NUDCD1: variants seen among roughly 807,000 people sequenced by gnomAD.
NUDCD1 encodes nudC domain-containing protein 1.
A neutral mutation model predicts 67.8 loss-of-function variants in NUDCD1; 60 were observed. The observed-to-expected ratio is 0.88, with a 90% CI of 0.72 to 1.10. NUDCD1 has a LOEUF of 1.10. Ranked by LOEUF, NUDCD1 falls within the 50% of genes least tolerant of loss-of-function variation. The pLI is 0.00. For synonymous variants in NUDCD1, 244 were observed against 230.8 expected (o/e 1.06, Z -0.52); for missense variants, 643 against 695.0 (o/e 0.93, Z 0.84).
intron 1 of NUDCD1, among the ~76,000 whole-genome samples, chr8:109,330,681 C>T (rs1434052240): frequency 6.6e-6 from 1 of 152,122 alleles, no homozygotes; most frequent in Non-Finnish European, 1.5e-5. Context: ...ATGTGGTACA[C>T]ATACGCCATG....
intron 1 of NUDCD1, among the ~76,000 whole-genome samples, chr8:109,331,515 C>CAAAAAA (rs59203626): frequency 1.7e-4 from 11 of 65,854 alleles, no homozygotes; most frequent in African/African-American, 4.7e-4. Flanking sequence ...GACTCAGACT[C>CAAAAAA]AAAAAAAAAA....
intron 8 of NUDCD1, among the ~76,000 whole-genome samples, chr8:109,255,641 A>G (rs1479871455): frequency 6.6e-6 from 1 of 151,964 alleles, no homozygotes; most frequent in Non-Finnish European, 1.5e-5. Context: ...TAAAATAAAT[A>G]CACAGATACA....
At chr8:109,297,485 T>C (rs532434244) in intron 2 of NUDCD1, among the ~76,000 whole-genome samples, 42 of 151,888 alleles carry the variant, frequency 2.8e-4, no homozygotes, top group Non-Finnish European at 4.7e-4. Flanking sequence ...TGGGATTAAG[T>C]AACCTTGGAG....
intron 8 of NUDCD1, among the ~76,000 whole-genome samples, chr8:109,245,719 CCAT>C (rs915424686): frequency 9.9e-5 from 15 of 152,118 alleles, no homozygotes; most frequent in African/African-American, 3.6e-4. Flanking sequence ...GTCAGCCTGG[CCAT>C]AAGTCATGGA....
intron 8 of NUDCD1, among the ~76,000 whole-genome samples, chr8:109,258,279 T>C (rs1240479792): frequency 6.6e-6 from 1 of 152,148 alleles, no homozygotes; most frequent in African/African-American, 2.4e-5. Context: ...GAAAAGACCA[T>C]CCTTTTCCCA....
At chr8:109,270,714 G>A (rs1456928700) in intron 8 of NUDCD1, among the ~76,000 whole-genome samples, 2 of 151,050 alleles carry the variant, frequency 1.3e-5, no homozygotes, top group Non-Finnish European at 2.9e-5. Context: ...AGTCCATACT[G>A]TTGAATGAAA....
chr8:109,256,161 T>C (rs78401286), intron 8 of NUDCD1, among the ~76,000 whole-genome samples: 3,156 of 152,188 alleles, frequency 0.021, 104 homozygotes, highest in African/African-American at 0.071. Flanking sequence ...GCAGTGAGCA[T>C]GCACTTCAGC....
chr8:109,329,121 C>G (rs1206549842), intron 1 of NUDCD1, among the ~76,000 whole-genome samples: 1 of 148,602 alleles, frequency 6.7e-6, no homozygotes, highest in African/African-American at 2.5e-5. Context: ...TAACAAGAGA[C>G]TAATATTACA....
chr8:109,322,735 T>C (rs544893129), intron 1 of NUDCD1, among the ~76,000 whole-genome samples: 2 of 152,198 alleles, frequency 1.3e-5, no homozygotes, highest in South Asian at 2.1e-4. Flanking sequence ...GACCCTCTTT[T>C]AGGCACCTCT....
At chr8:109,264,997 A>C (rs1813962100) in intron 8 of NUDCD1, among the ~76,000 whole-genome samples, 1 of 152,016 alleles carries the variant, frequency 6.6e-6, no homozygotes, top group Admixed American at 6.5e-5. Context: ...CAAATATAAA[A>C]ATTAAGTACA....
At chr8:109,257,821 G>T (rs1052224812) in intron 8 of NUDCD1, among the ~76,000 whole-genome samples, 3 of 152,036 alleles carry the variant, frequency 2.0e-5, no homozygotes, top group African/African-American at 7.2e-5. Flanking sequence ...AGTAGCCATA[G>T]ATAGCATATA....
chr8:109,301,588 C>T (rs945754957), intron 2 of NUDCD1, among the ~76,000 whole-genome samples: 2 of 152,240 alleles, frequency 1.3e-5, no homozygotes, highest in East Asian at 1.9e-4. Flanking sequence ...CACCTACGAC[C>T]TCGGGTCCTC....
chr8:109,313,596 T>C (rs75146044), intron 2 of NUDCD1, among the ~76,000 whole-genome samples: 3,150 of 152,296 alleles, frequency 0.021, 110 homozygotes, highest in African/African-American at 0.072. Context: ...ATTTTAAAGG[T>C]ATTAGTAAGA....
chr8:109,311,828 G>A (rs1361805473), intron 2 of NUDCD1, among the ~76,000 whole-genome samples: 1 of 151,798 alleles, frequency 6.6e-6, no homozygotes, highest in Non-Finnish European at 1.5e-5. Flanking sequence ...TACAAATAGG[G>A]TATAGTGTAT....
At chr8:109,292,549 T>C (rs1756479169) in intron 4 of NUDCD1, among the ~76,000 whole-genome samples, 1 of 152,092 alleles carries the variant, frequency 6.6e-6, no homozygotes, top group Admixed American at 6.6e-5. Flanking sequence ...CAGAGATGAA[T>C]GATAATTTAA....
At chr8:109,280,259 T>A (rs779658899) in intron 6 of NUDCD1, among the ~76,000 whole-genome samples, 1 of 152,206 alleles carries the variant, frequency 6.6e-6, no homozygotes, top group Non-Finnish European at 1.5e-5. Context: ...CTAAGATTTA[T>A]CATTGCAAGT....
chr8:109,255,932 G>A (rs982847058), intron 8 of NUDCD1, among the ~76,000 whole-genome samples: 2 of 152,278 alleles, frequency 1.3e-5, no homozygotes, highest in South Asian at 2.1e-4. Context: ...ACTAGTTGCC[G>A]GGTGCTGTGA....
At chr8:109,244,330 T>C (rs973967591) in intron 9 of NUDCD1, among the ~76,000 whole-genome samples, 8 of 152,210 alleles carry the variant, frequency 5.3e-5, no homozygotes, top group African/African-American at 1.4e-4. Context: ...GAATTAAGCA[T>C]AGAATTCCCC....
intron 1 of NUDCD1, among the ~76,000 whole-genome samples, chr8:109,324,930 CA>C (rs747228325): frequency 1.3e-5 from 2 of 151,952 alleles, no homozygotes; most frequent in Non-Finnish European, 2.9e-5. Context: ...ACTAAAAATT[CA>C]AAAAACAAAT....
Sources: allele counts gnomAD v4.1 joint callset (sites outside exome capture counted in the v4.1 genomes callset), GRCh38; gene constraint gnomAD v4.1.1; transcripts MANE v1.5; gene names NCBI Gene and HGNC (gene_info 2026-07-23, HGNC 2026-07-21).